Variants in GSDMD observed in about 807,000 individuals in gnomAD.
The protein encoded by GSDMD is gasdermin D, also known as gasdermin-D.
GSDMD carries 46 observed loss-of-function variants against 46.7 expected under a neutral mutation model. That is an observed-to-expected ratio of 0.99 (90% confidence interval 0.78 to 1.26). GSDMD has a LOEUF of 1.26. GSDMD is among the 50% of genes most tolerant of loss of function. The pLI, the probability that GSDMD is intolerant of heterozygous loss-of-function variation, is 0.00. For synonymous variants in GSDMD, 307 were observed against 283.1 expected (o/e 1.08, Z -0.85); for missense variants, 649 against 638.8 (o/e 1.02, Z -0.17).
At chr8:143,558,592 TC>T in intron 1 of GSDMD, 141 bp downstream of exon 1, 1 of 881,648 alleles carries the variant, frequency 1.1e-6, no homozygotes, top group Non-Finnish European at 1.6e-6. Context: ...GGGCGGAAGC[TC>T]CAGGCTTCGG....
In GSDMD at chr8:143,559,885, C is replaced by T. The variant is rs553636785; in HGVS notation, c.326C>T (p.Ala109Val). The T allele has an allele frequency of 6.8e-4, 1,104 of 1,612,726 alleles. 20 individuals carry two copies. The South Asian group carries it at 0.011, about 17-fold the overall frequency. ...CAGGCAAAGATCGCAGGCGGGGCCG[C>T]GGTGTCTGACAGCTCCAGCACCTCA... is the stretch of plus-strand genomic sequence containing the variant. ...PGQAKIAGGAAVSDSSSTSMN... is the reference protein window; with the variant it reads ...PGQAKIAGGAVVSDSSSTSMN... Residue 109 changes from alanine to valine, a missense_variant, in exon 3 of 11, where the codon GCG (alanine) becomes GTG (valine). Physicochemically the swap from Ala to Val is moderately conservative, Grantham distance 64. Transcript: ENST00000262580.
chr8:143,560,550 A>G (rs1247454684), intron 3 of GSDMD, 53 bp from the exon 4 acceptor site: 2 of 1,510,384 alleles, frequency 1.3e-6, no homozygotes, highest in Non-Finnish European at 1.8e-6. Flanking sequence ...CAGGGGAGGG[A>G]AGACGCCTTC....
upstream of GSDMD, chr8:143,553,507 T>A (rs1418379502): frequency 6.8e-6 from 1 of 146,570 alleles, no homozygotes; most frequent in African/African-American, 2.4e-5. Context: ...CTCGCCGACT[T>A]CCGTAAACTG....
intron 1 of GSDMD, 55 bp downstream of exon 1, chr8:143,558,506 G>C: frequency 7.2e-7 from 1 of 1,382,666 alleles, no homozygotes; most frequent in Non-Finnish European, 9.4e-7. Context: ...GAGTGGGGCC[G>C]GCCGCTGGCT....
intron 4 of GSDMD, 84 bp from the exon 5 acceptor site, chr8:143,560,918 G>T (rs777518064): frequency 6.8e-7 from 1 of 1,463,068 alleles, no homozygotes; most frequent in South Asian, 1.2e-5. Flanking sequence ...ACCTGGCGGC[G>T]GGCCTGCCCC....
intron 3 of GSDMD, chr8:143,560,255 C>G: frequency 1.5e-6 from 1 of 687,036 alleles, no homozygotes; most frequent in Non-Finnish European, 2.7e-6. Context: ...CCGGAACCAG[C>G]TTGCAGGAAG....
chr8:143,557,210 G>A (rs1346614196), upstream of GSDMD, among the ~76,000 whole-genome samples: 3 of 152,284 alleles, frequency 2.0e-5, no homozygotes, highest in Non-Finnish European at 2.9e-5. Flanking sequence ...GCCGTTCTAC[G>A]GCCTGGATTC....
In GSDMD at chr8:143,562,433, C is replaced by A; in HGVS notation, c.1139-15C>A. The A allele has an allele frequency of 6.2e-7, 1 of 1,604,116 alleles. No homozygotes were observed. Among genetic ancestry groups the A allele is most frequent in the South Asian group, 1.1e-5 (1 of 89,972 alleles). ...TGGGCGTTCAGAAACCCCCTTTTAC[C>A]TGACTCTCTCCCAGTGCTGAGTGAA... On this transcript the variant is annotated splice_polypyrimidine_tract_variant and intron_variant, in intron 9 of 10. Coordinates refer to ENST00000262580, the MANE Select transcript of GSDMD (RefSeq NM_024736.7).
intron 4 of GSDMD, 87 bp from the exon 5 acceptor site, chr8:143,560,915 G>A (rs757820440): frequency 1.2e-5 from 18 of 1,454,098 alleles, no homozygotes; most frequent in African/African-American, 5.7e-5. Flanking sequence ...GTCACCTGGC[G>A]GCGGGCCTGC....
chr8:143,553,464 C>A (rs1264912895), upstream of GSDMD: 1 of 146,476 alleles, frequency 6.8e-6, no homozygotes, highest in Non-Finnish European at 1.5e-5. Context: ...GGCTCTGGCC[C>A]CCCAGGACCT....
At position 143,562,976 on chromosome 8, in the gene GSDMD, A is replaced by G. The variant is rs1823506287; in HGVS notation, c.*72A>G. 1.3e-6 allele frequency: 2 copies of G among 1,592,612 alleles called. No individual in the cohort carries two copies. The highest frequency in any genetic ancestry group is 4.5e-5 in the East Asian group (2 of 44,122). ...TTGCCCACCAGCTGCTAGCCCTAGG[A>G]AGGCCAGGAGCCCAGTAGCCATGTG... is the stretch of plus-strand genomic sequence containing the variant. On this transcript the variant is annotated 3_prime_UTR_variant, in exon 11 of 11. Coordinates refer to ENST00000262580, the MANE Select transcript of GSDMD (RefSeq NM_024736.7).
chr8:143,560,999 C>T lies in GSDMD; in HGVS notation c.580-3C>T, dbSNP rs1545536. 0.23 allele frequency: 374,249 copies of T among 1,611,774 alleles called. 46,359 individuals carry two copies. Among genetic ancestry groups the T allele is most frequent in the East Asian group, 0.43 (19,371 of 44,836 alleles). On this transcript the variant is annotated splice_polypyrimidine_tract_variant and splice_region_variant and intron_variant, in intron 4 of 10. Coordinates refer to ENST00000262580, the MANE Select transcript of GSDMD (RefSeq NM_024736.7). ...CAGCCCCGAGCCCATCTCCATGCCT[C>T]AGGGTGAGGGCCAGGGCCATCTGAG...
At chr8:143,562,426 C>G in intron 9 of GSDMD, 22 bp from the exon 10 acceptor site, 1 of 1,599,760 alleles carries the variant, frequency 6.3e-7, no homozygotes, top group Non-Finnish European at 8.5e-7. Context: ...CAGAAACCCC[C>G]TTTTACCTGA....
rs772612998 is a variant in GSDMD, at chr8:143,562,834, C to A, written c.1385C>A (p.Ala462Asp). ...CCCCACGTGTGCTGGGAGCCGCAGGCCCAGGGCCGCATGTGTGCACTCTAC... is the reference window on the plus strand; with the variant it reads ...CCCCACGTGTGCTGGGAGCCGCAGGACCAGGGCCGCATGTGTGCACTCTAC... The part of the protein sequence containing the change: ...DTPHVCWEPQ[A>D]QGRMCALYAS... The change falls in exon 11 of 11, where the codon GCC becomes GAC. Residue 462 changes from alanine (A) to aspartate (D), a missense_variant. Coordinates refer to ENST00000262580, the MANE Select transcript of GSDMD (RefSeq NM_024736.7). 1 of 1,611,050 alleles carries A rather than the reference C, an allele frequency of 6.2e-7. No individual in the cohort carries two copies. The highest frequency in any genetic ancestry group is 8.5e-7 in the Non-Finnish European group (1 of 1,179,298).
At chr8:143,558,610 C>A in intron 1 of GSDMD, 159 bp downstream of exon 1, 1 of 735,732 alleles carries the variant, frequency 1.4e-6, no homozygotes, top group Non-Finnish European at 2.1e-6. Context: ...TCGGGAAAGG[C>A]TGCCCCTGGC....
chr8:143,558,817 G>A (rs1009098145), intron 1 of GSDMD: 9 of 566,322 alleles, frequency 1.6e-5, no homozygotes, highest in South Asian at 3.1e-5. Context: ...CTATCCCAGC[G>A]GAGGCCCGCT....
In GSDMD at chr8:143,562,510, C is replaced by T. The variant is rs1823491116; in HGVS notation, c.1201C>T (p.Pro401Ser). ...GCTGGAGTCGCAGACCCTGTTGGGG[C>T]CGCTCGAGCTGGTGAGAGGGTTGGG... ...EALESQTLLGPLELVGSLLEQ... is the reference protein window; with the variant it reads ...EALESQTLLGSLELVGSLLEQ... The change falls in exon 10 of 11, where the codon CCG becomes TCG. Residue 401 changes from proline to serine, a missense_variant. Transcript: ENST00000262580. 1 of 1,607,266 alleles carries T rather than the reference C, an allele frequency of 6.2e-7. No homozygotes were observed. The highest frequency in any genetic ancestry group is 8.5e-7 in the Non-Finnish European group (1 of 1,179,434).
Position 143,559,943 on chromosome 8 carries a change from C to A in GSDMD, c.384C>A (p.Asn128Lys). The change falls in exon 3 of 11, where the codon AAC becomes AAA. Residue 128 changes from asparagine (N) to lysine (K), a missense_variant. By Grantham distance (94) the Asn-to-Lys change is moderately conservative (BLOSUM62 0). Coordinates refer to ENST00000262580, the MANE Select transcript of GSDMD (RefSeq NM_024736.7). ...TGTACTCGCTGAGTGTGGACCCTAA[C>A]ACCTGGCAGACTCTGCTCCATGAGA... The part of the protein sequence containing the change: ...MNVYSLSVDP[N>K]TWQTLLHERH... The A allele has an allele frequency of 6.2e-7, 1 of 1,612,588 alleles. No homozygotes were observed. Among genetic ancestry groups the A allele is most frequent in the Non-Finnish European group, 8.5e-7 (1 of 1,179,840 alleles).
chr8:143,553,452 C>CAT (rs1213679860), upstream of GSDMD: 2 of 146,430 alleles, frequency 1.4e-5, no homozygotes, highest in African/African-American at 4.9e-5. Context: ...TGGTGTTCCC[C>CAT]AGGCTCTGGC....
Sources: allele counts gnomAD v4.1 joint callset (sites outside exome capture counted in the v4.1 genomes callset), GRCh38; gene constraint gnomAD v4.1.1; transcripts MANE v1.5; gene names NCBI Gene and HGNC (gene_info 2026-07-23, HGNC 2026-07-21).